FRMD4A: variants seen among roughly 807,000 people sequenced by gnomAD.
FRMD4A encodes the protein FERM domain containing 4A, also known as FERM domain-containing protein 4A.
A neutral mutation model predicts 129.1 loss-of-function variants in FRMD4A; 29 were observed. That is an observed-to-expected ratio of 0.22 (90% CI 0.17 to 0.31). The LOEUF (loss-of-function observed/expected upper bound fraction) is 0.31, where lower values mean the gene tolerates loss of function less well. Ranked by LOEUF, FRMD4A falls within the 10% of genes least tolerant of loss-of-function variation. The pLI, the probability that FRMD4A is intolerant of heterozygous loss-of-function variation, is 1.00. For synonymous variants in FRMD4A, 634 were observed against 571.6 expected (o/e 1.11, Z -1.56); for missense variants, 1,272 against 1,375.8 (o/e 0.92, Z 1.19).
chr10:14,094,580 G>A (rs929304503), intron 2 of FRMD4A, among the ~76,000 whole-genome samples: 3 of 152,062 alleles, frequency 2.0e-5, no homozygotes, highest in Non-Finnish European at 4.4e-5. Context: ...AGAGAGAGGT[G>A]GGCATGGTAC....
intron 2 of FRMD4A, among the ~76,000 whole-genome samples, chr10:14,023,989 G>A (rs1001337454): frequency 1.3e-5 from 2 of 151,862 alleles, no homozygotes; most frequent in Admixed American, 1.3e-4. Flanking sequence ...TTTTTTCTGG[G>A]ATGGTCACTT....
chr10:13,666,410 G>T, intron 17 of FRMD4A, 85 bp from the exon 18 acceptor site: 2 of 921,824 alleles, frequency 2.2e-6, no homozygotes, highest in Non-Finnish European at 3.5e-6. Flanking sequence ...CCCAAGGCAA[G>T]TCCAGTTCCA....
At chr10:13,663,290 C>T (rs1281636369) in intron 19 of FRMD4A, among the ~76,000 whole-genome samples, 163 bp downstream of exon 19, 1 of 84,738 alleles carries the variant, frequency 1.2e-5, no homozygotes, top group Non-Finnish European at 2.6e-5. Flanking sequence ...TACCCACTCC[C>T]AACCAAAGAG....
chr10:13,801,321 A>G (rs2093249564), intron 4 of FRMD4A, among the ~76,000 whole-genome samples: 1 of 152,168 alleles, frequency 6.6e-6, no homozygotes, highest in Non-Finnish European at 1.5e-5. Flanking sequence ...CTGGAATGAC[A>G]CCTATATGAT....
At chr10:13,953,613 C>T (rs75545317) in intron 2 of FRMD4A, among the ~76,000 whole-genome samples, 319 of 152,218 alleles carry the variant, frequency 2.1e-3, no homozygotes, top group African/African-American at 7.3e-3. Flanking sequence ...GTTCCCAGAT[C>T]GACTGTCTTG....
At chr10:14,191,013 G>A (rs555221686) in intron 2 of FRMD4A, among the ~76,000 whole-genome samples, 7 of 152,290 alleles carry the variant, frequency 4.6e-5, no homozygotes, top group African/African-American at 1.7e-4. Flanking sequence ...CAGCCATATT[G>A]GTTCCAACCA....
chr10:13,871,424 A>C (rs1014826648), intron 2 of FRMD4A, among the ~76,000 whole-genome samples: 8 of 152,200 alleles, frequency 5.3e-5, no homozygotes, highest in Non-Finnish European at 1.2e-4. Context: ...TTTAAAAAAA[A>C]TCTGACAAGT....
intron 2 of FRMD4A, among the ~76,000 whole-genome samples, chr10:14,045,586 T>C (rs931707239): frequency 1.3e-5 from 2 of 149,448 alleles, no homozygotes; most frequent in African/African-American, 2.4e-5. Flanking sequence ...CATATTTTTA[T>C]ATACAATAAA....
rs11258942 is a variant in FRMD4A at position 14,210,606 on chromosome 10, C to T, written c.45+119452G>A. ...AATATGTGCCAGCCAGGAGTAGGTG[C>T]TAAAGACCACAGATGGACAAGTCAG... On this transcript the variant is annotated intron_variant, in intron 2 of 24. Transcript: ENST00000357447. Among the ~76,000 whole-genome samples the T allele has an allele frequency of 7.4e-3, 1,126 of 152,318 alleles. 57 individuals are homozygous for T. In the East Asian group the frequency reaches 0.15, roughly 20 times the overall value.
chr10:14,238,192 A>G (rs930777709), intron 2 of FRMD4A, among the ~76,000 whole-genome samples: 1 of 152,236 alleles, frequency 6.6e-6, no homozygotes, highest in Non-Finnish European at 1.5e-5. Flanking sequence ...AGCACCTTAT[A>G]TGTGGGGTAT....
intron 18 of FRMD4A, among the ~76,000 whole-genome samples, chr10:13,665,700 C>G (rs1458381634): frequency 6.6e-6 from 1 of 152,194 alleles, no homozygotes; most frequent in Admixed American, 6.5e-5. Context: ...GGGATCACTG[C>G]TGCTGTGTAC....
intron 2 of FRMD4A, among the ~76,000 whole-genome samples, chr10:13,892,288 C>T (rs910532573): frequency 2.6e-5 from 4 of 152,160 alleles, no homozygotes; most frequent in East Asian, 3.9e-4. Flanking sequence ...GAAGGCACAG[C>T]TCTTACCCCT....
intron 2 of FRMD4A, among the ~76,000 whole-genome samples, chr10:14,133,937 TG>T (rs11322126): frequency 0.08 from 12,164 of 152,168 alleles, 743 homozygotes; most frequent in African/African-American, 0.16. Context: ...GACAGGAAGA[TG>T]GGGAAATAAG....
At chr10:13,707,930 G>A (rs1013948651) in intron 12 of FRMD4A, 4 of 979,516 alleles carry the variant, frequency 4.1e-6, no homozygotes, top group African/African-American at 3.5e-5. Context: ...AGTAATTAGG[G>A]CTGCATCCAA....
intron 2 of FRMD4A, among the ~76,000 whole-genome samples, chr10:14,192,538 A>G (rs1049939928): frequency 6.6e-5 from 10 of 152,202 alleles, no homozygotes; most frequent in African/African-American, 2.4e-4. Flanking sequence ...AGCCTCTCCA[A>G]ATCTTCATGT....
chr10:14,033,782 A>AAGAGAG (rs111309037), intron 2 of FRMD4A, among the ~76,000 whole-genome samples: 273 of 145,474 alleles, frequency 1.9e-3, no homozygotes, highest in African/African-American at 6.5e-3. Context: ...AAAACTCAGA[A>AAGAGAG]AGAGAGAGAG....
intron 2 of FRMD4A, among the ~76,000 whole-genome samples, chr10:13,929,777 C>A (rs764566427): frequency 3.3e-5 from 5 of 151,888 alleles, no homozygotes; most frequent in African/African-American, 1.2e-4. Flanking sequence ...ATGGGATCTG[C>A]GGTCAGAGTC....
At chr10:14,239,651 AC>A (rs750488850) in intron 2 of FRMD4A, among the ~76,000 whole-genome samples, 12 of 140,114 alleles carry the variant, frequency 8.6e-5, no homozygotes, top group African/African-American at 1.2e-4. Context: ...AAACAAACAA[AC>A]AAAAAAAAAC....
chr10:13,806,786 C>G (rs2093363879), intron 4 of FRMD4A, among the ~76,000 whole-genome samples: 2 of 152,152 alleles, frequency 1.3e-5, no homozygotes, highest in South Asian at 4.1e-4. Context: ...AGGTTGAGAT[C>G]CCTAACTCTA....
Sources: allele counts gnomAD v4.1 joint callset (sites outside exome capture counted in the v4.1 genomes callset), GRCh38; gene constraint gnomAD v4.1.1; transcripts MANE v1.5; gene names NCBI Gene and HGNC (gene_info 2026-07-23, HGNC 2026-07-21).